The following PXDNL variants were observed in gnomAD, a reference collection of about 807,000 sequenced individuals.
PXDNL encodes probable oxidoreductase PXDNL.
Under a neutral mutation model 150.8 loss-of-function variants are expected in PXDNL, and 145 were observed. That is an observed-to-expected ratio of 0.96 (90% confidence interval 0.84 to 1.10). The LOEUF (loss-of-function observed/expected upper bound fraction) is 1.10, where lower values mean the gene tolerates loss of function less well. PXDNL is among the 50% of genes least tolerant of loss of function. The pLI is 0.00. For missense variants in PXDNL, 2,087 were observed against 1,873.9 expected (o/e 1.11, Z -2.10); for synonymous variants, 757 against 725.7 (o/e 1.04, Z -0.69).
At chr8:51,511,738 C>A (rs1811424641) in intron 4 of PXDNL, among the ~76,000 whole-genome samples, 1 of 152,168 alleles carries the variant, frequency 6.6e-6, no homozygotes, top group African/African-American at 2.4e-5. Flanking sequence ...ATGCACTCCC[C>A]CCTTTCTAGG....
Position 51,426,679 on chromosome 8 carries a change from T to A in PXDNL, c.1605A>T (p.Gln535His). The change falls in exon 13 of 23, where the codon CAA becomes CAT. Residue 535 changes from glutamine (Q) to histidine (H), a missense_variant. Gln to His is a conservative substitution (Grantham distance 24). Transcript: ENST00000356297. ...AAGTAATTATGGGCTGTGGTTCTCC[T>A]TGAGCATGACATGAAATGTTTATAT... ...GKNINISCHA[Q>H]GEPQPIITWN... 1 of 1,607,176 alleles carries A rather than the reference T, an allele frequency of 6.2e-7. No individual in the cohort carries two copies. Among genetic ancestry groups the A allele is most frequent in the Non-Finnish European group, 8.5e-7 (1 of 1,175,530 alleles).
At chr8:51,734,422 G>A (rs1816993097) in intron 1 of PXDNL, among the ~76,000 whole-genome samples, 1 of 152,168 alleles carries the variant, frequency 6.6e-6, no homozygotes, top group Admixed American at 6.5e-5. Flanking sequence ...CAAAATGGTG[G>A]AAATTATGTG....
intron 1 of PXDNL, among the ~76,000 whole-genome samples, chr8:51,779,436 AGTGAGGAAAG>A (rs1377166947): frequency 2.0e-5 from 3 of 152,188 alleles, no homozygotes; most frequent in Non-Finnish European, 4.4e-5. Context: ...TGACAGTAAG[AGTGAGGAAAG>A]GAATCAAAAC....
chr8:51,745,858 C>G (rs1330334156), intron 1 of PXDNL, among the ~76,000 whole-genome samples: 1 of 152,012 alleles, frequency 6.6e-6, no homozygotes, highest in African/African-American at 2.4e-5. Flanking sequence ...CAACCTCTGC[C>G]TCGCAGGTTC....
At chr8:51,763,577 C>T (rs1017285495) in intron 1 of PXDNL, among the ~76,000 whole-genome samples, 5 of 152,130 alleles carry the variant, frequency 3.3e-5, no homozygotes, top group Admixed American at 6.5e-5. Context: ...CGCACTTGAC[C>T]TCCAGGATGC....
At chr8:51,382,487 AAC>A (rs1457321050) in intron 17 of PXDNL, among the ~76,000 whole-genome samples, 2 of 152,174 alleles carry the variant, frequency 1.3e-5, no homozygotes, top group Non-Finnish European at 2.9e-5. Context: ...TAATTTTTAA[AAC>A]AGTTTGCCTG....
intron 14 of PXDNL, among the ~76,000 whole-genome samples, chr8:51,422,588 G>T (rs193041112): frequency 1.3e-5 from 2 of 152,124 alleles, no homozygotes; most frequent in South Asian, 4.1e-4. Flanking sequence ...CCCATAAGGC[G>T]TGGAAAAACT....
At position 51,345,060 on chromosome 8, in the gene PXDNL, A is replaced by T. The variant is rs568081078; in HGVS notation, c.4016+773T>A. On this transcript the variant is annotated intron_variant, in intron 20 of 22. Coordinates refer to ENST00000356297, the MANE Select transcript of PXDNL (RefSeq NM_144651.5). ...AATGGATTTTGAATTTGACTAAATT[A>T]TACTACTTAGAAGGCAGCTATGGAC... Among the ~76,000 whole-genome samples the T allele has an allele frequency of 2.0e-5, 3 of 152,372 alleles. No individual in the cohort carries two copies. The South Asian group carries it at 6.2e-4, about 32-fold the overall frequency.
chr8:51,595,560 C>T (rs184976797), intron 2 of PXDNL, among the ~76,000 whole-genome samples: 2 of 152,120 alleles, frequency 1.3e-5, no homozygotes, highest in Non-Finnish European at 2.9e-5. Flanking sequence ...TATGGTTATG[C>T]TTATTTTCAT....
At chr8:51,578,018 G>A (rs1384575910) in intron 3 of PXDNL, among the ~76,000 whole-genome samples, 44 of 112,708 alleles carry the variant, frequency 3.9e-4, no homozygotes, top group African/African-American at 2.0e-3. Flanking sequence ...AGGAAGGAAG[G>A]AAGGAAGGAA....
intron 2 of PXDNL, among the ~76,000 whole-genome samples, chr8:51,644,280 C>G (rs1814851748): frequency 7.4e-6 from 1 of 134,976 alleles, no homozygotes; most frequent in East Asian, 2.2e-4. Flanking sequence ...GGGTGGAGAT[C>G]AGGGCAAATA....
At position 51,404,882 on chromosome 8, in the gene PXDNL, C is replaced by T. The variant is rs563197853; in HGVS notation, c.3557+3185G>A. Among the ~76,000 whole-genome samples, 19 of 152,294 alleles carry T rather than the reference C, an allele frequency of 1.2e-4. 1 individual carries two copies. Among genetic ancestry groups the T allele is most frequent in the Admixed American group, 6.5e-4 (10 of 15,302 alleles). ...GTGCCCCAGAGCAGGGGACGGTGAT[C>T]GTCAGGGAGGCTCGGGCTGCACAGG... On this transcript the variant is annotated intron_variant, in intron 17 of 22. Transcript: ENST00000356297.
chr8:51,701,454 G>C (rs1801975227), intron 1 of PXDNL, among the ~76,000 whole-genome samples: 1 of 152,098 alleles, frequency 6.6e-6, no homozygotes. Flanking sequence ...CCTTGCCATA[G>C]AGGAGGGTGA....
chr8:51,527,337 A>G (rs963623313), intron 4 of PXDNL, among the ~76,000 whole-genome samples: 14 of 151,888 alleles, frequency 9.2e-5, no homozygotes, highest in African/African-American at 3.4e-4. Flanking sequence ...GCTCCCTGCC[A>G]CCTCATATTT....
chr8:51,661,472 G>A (rs1046356638), intron 1 of PXDNL, among the ~76,000 whole-genome samples: 7 of 152,186 alleles, frequency 4.6e-5, no homozygotes, highest in African/African-American at 7.2e-5. Flanking sequence ...GCTCCACAAC[G>A]TAGTTGGGCC....
At chr8:51,367,060 C>G (rs1311425791) in intron 19 of PXDNL, among the ~76,000 whole-genome samples, 1 of 136,040 alleles carries the variant, frequency 7.4e-6, no homozygotes, top group African/African-American at 2.7e-5. Context: ...GAGATCACAC[C>G]ACTGCACTCC....
chr8:51,757,709 T>C (rs1221460849), intron 1 of PXDNL, among the ~76,000 whole-genome samples: 4 of 152,226 alleles, frequency 2.6e-5, no homozygotes, highest in Non-Finnish European at 5.9e-5. Flanking sequence ...ATGTGTTTTG[T>C]ACTCTTTGCA....
chr8:51,375,530 T>C (rs73579644), intron 17 of PXDNL, among the ~76,000 whole-genome samples: 4,954 of 152,318 alleles, frequency 0.033, 259 homozygotes, highest in African/African-American at 0.11. Flanking sequence ...TTGTCACAAA[T>C]GGAAATATAG....
intron 10 of PXDNL, 55 bp downstream of exon 10, chr8:51,453,464 A>AATTT (rs1281896726): frequency 6.4e-7 from 1 of 1,559,850 alleles, no homozygotes; most frequent in Non-Finnish European, 8.8e-7. Flanking sequence ...GTTGAAAAAT[A>AATTT]ATTTTCTGAG....
Sources: allele counts gnomAD v4.1 joint callset (sites outside exome capture counted in the v4.1 genomes callset), GRCh38; gene constraint gnomAD v4.1.1; transcripts MANE v1.5; gene names NCBI Gene and HGNC (gene_info 2026-07-23, HGNC 2026-07-21).